PRXL2A: variants seen among roughly 807,000 people sequenced by gnomAD.
PRXL2A encodes peroxiredoxin like 2A, also known as peroxiredoxin-like 2A.
PRXL2A carries 26 observed loss-of-function variants against 25.6 expected under a neutral mutation model. The ratio of observed to expected loss-of-function variants is 1.02; its 90% CI spans 0.74 to 1.41. The LOEUF is 1.41. Among genes scored for constraint, PRXL2A ranks in the 40% most tolerant of loss-of-function variants. PRXL2A has a pLI of 0.00. For synonymous variants in PRXL2A, 98 were observed against 102.9 expected, an observed-to-expected ratio of 0.95 and a Z score of 0.29; for missense variants, 246 against 273.9, an observed-to-expected ratio of 0.90 and a Z score of 0.72.
chr10:80,415,245 G>A (rs1844621336), intron 1 of PRXL2A, among the ~76,000 whole-genome samples: 1 of 152,224 alleles, frequency 6.6e-6, no homozygotes, highest in African/African-American at 2.4e-5. Context: ...GGGGTCCACT[G>A]CCCCAGAGGG....
At chr10:80,425,306 G>C (rs1199793327) in intron 3 of PRXL2A, among the ~76,000 whole-genome samples, 1 of 152,140 alleles carries the variant, frequency 6.6e-6, no homozygotes, top group African/African-American at 2.4e-5. Context: ...CTGGTATTTA[G>C]CACCTGTTTT....
intron 5 of PRXL2A, among the ~76,000 whole-genome samples, chr10:80,431,624 C>A (rs534422982): frequency 6.6e-6 from 1 of 152,196 alleles, no homozygotes; most frequent in Non-Finnish European, 1.5e-5. Context: ...ACCTTTGGGC[C>A]TTTCTGTGTT....
At chr10:80,430,489 T>C (rs1845216001) in intron 5 of PRXL2A, among the ~76,000 whole-genome samples, 1 of 152,070 alleles carries the variant, frequency 6.6e-6, no homozygotes, top group Non-Finnish European at 1.5e-5. Context: ...CTATAAAGAA[T>C]AAAAAAGTTT....
In PRXL2A at chr10:80,432,204, C is replaced by G. The variant is rs141469991; in HGVS notation, c.*105C>G. 159 of 673,108 alleles carry G rather than the reference C, an allele frequency of 2.4e-4. No homozygotes were observed. In the African/African-American group the frequency reaches 2.8e-3, roughly 12 times the overall value. The allele number at this position is 673,108 out of a possible 1,614,324, so 41.7% of individuals were successfully genotyped here. A position where few individuals can be genotyped will look rare whatever the true frequency, so the allele number is the denominator to read the frequency against. On this transcript the variant is annotated 3_prime_UTR_variant, in exon 6 of 6. Coordinates refer to ENST00000606162, the MANE Select transcript of PRXL2A (RefSeq NM_032333.5). Reference sequence around the variant, plus strand: ...CTAAGGAGTGAGAAACCCATTTATACTCTACTCTCAGTATGGATTATTAAT... The same window carrying G: ...CTAAGGAGTGAGAAACCCATTTATAGTCTACTCTCAGTATGGATTATTAAT...
In PRXL2A at chr10:80,436,344, T is replaced by TG. The variant is rs1022905419; in HGVS notation, c.*4248dup. ...CTTGCACAGGCTGGTCTCGAACTCC[T>TG]GGGCTCAAGCAGTCATCCTGCCTCA... On this transcript the variant is annotated 3_prime_UTR_variant, in exon 6 of 6. Coordinates refer to ENST00000606162, the MANE Select transcript of PRXL2A (RefSeq NM_032333.5). The TG allele has an allele frequency of 6.6e-6, 1 of 152,606 alleles. No individual in the cohort carries two copies. Among genetic ancestry groups the TG allele is most frequent in the African/African-American group, 2.4e-5 (1 of 41,444 alleles). The allele number at this position is 152,606 out of a possible 1,614,324, so 9.5% of individuals were successfully genotyped here. A position where few individuals can be genotyped will look rare whatever the true frequency, so the allele number is the denominator to read the frequency against.
At chr10:80,426,264 G>A (rs1845040178) in intron 4 of PRXL2A, among the ~76,000 whole-genome samples, 1 of 152,246 alleles carries the variant, frequency 6.6e-6, no homozygotes, top group Non-Finnish European at 1.5e-5. Flanking sequence ...TGGTGCAGAA[G>A]TGATAAGCAT....
chr10:80,431,838 ACTC>A, intron 5 of PRXL2A, 145 bp from the exon 6 acceptor site: 1 of 650,032 alleles, frequency 1.5e-6, no homozygotes. Flanking sequence ...CAAAGACTGA[ACTC>A]CTTGAGGGCA....
At chr10:80,425,804 C>T (rs1845020681) in intron 3 of PRXL2A, 62 bp from the exon 4 acceptor site, 2 of 1,604,014 alleles carry the variant, frequency 1.2e-6, no homozygotes, top group Non-Finnish European at 1.7e-6. Flanking sequence ...GAACCTGACA[C>T]CCTATGTGGA....
At chr10:80,414,634 C>T (rs924085197) in intron 1 of PRXL2A, among the ~76,000 whole-genome samples, 1 of 152,204 alleles carries the variant, frequency 6.6e-6, no homozygotes, top group South Asian at 2.1e-4. Context: ...GAAAGGTAGT[C>T]TTTCAGGCTT....
At chr10:80,431,880 C>G (rs1845274333) in intron 5 of PRXL2A, 106 bp from the exon 6 acceptor site, 1 of 795,964 alleles carries the variant, frequency 1.3e-6, no homozygotes, top group Non-Finnish European at 2.1e-6. Flanking sequence ...GATCTGTGTC[C>G]TTTGCTATTC....
Position 80,432,419 on chromosome 10 carries a change from T to G in PRXL2A, c.*320T>G, listed in dbSNP as rs1043610995. The G allele has an allele frequency of 4.8e-6, 1 of 208,768 alleles. No individual in the cohort carries two copies. The highest frequency in any genetic ancestry group is 9.4e-6 in the Non-Finnish European group (1 of 106,502). The allele number at this position is 208,768 out of a possible 1,614,324, so 12.9% of individuals were successfully genotyped here. A position where few individuals can be genotyped will look rare whatever the true frequency, so the allele number is the denominator to read the frequency against. ...ACTTTGGGAGGCCAAGGTGAGCAAG[T>G]CACTTGAGGTCGGGAGTTCGAGACC... On this transcript the variant is annotated 3_prime_UTR_variant, in exon 6 of 6. Transcript: ENST00000606162.
chr10:80,425,797 C>T, intron 3 of PRXL2A, 69 bp from the exon 4 acceptor site: 16 of 1,592,614 alleles, frequency 1.0e-5, no homozygotes, highest in African/African-American at 2.7e-5. Context: ...GCAGAGGGAA[C>T]CTGACACCCT....
In PRXL2A at chr10:80,435,351, C is replaced by T. The variant is rs1024991636; in HGVS notation, c.*3252C>T. 2.6e-5 allele frequency: 4 copies of T among 152,192 alleles called. No homozygotes were observed. The highest frequency in any genetic ancestry group is 9.7e-5 in the African/African-American group (4 of 41,434). The allele number at this position is 152,192 out of a possible 1,614,324, so 9.4% of individuals were successfully genotyped here. A position where few individuals can be genotyped will look rare whatever the true frequency, so the allele number is the denominator to read the frequency against. ...ATCCCTGAGACAGGGCCTTGAGCTG[C>T]TAGAAACTATGCTAGTGTTTGTTCA... On this transcript the variant is annotated 3_prime_UTR_variant, in exon 6 of 6. Coordinates refer to ENST00000606162, the MANE Select transcript of PRXL2A (RefSeq NM_032333.5).
rs549599653 is a variant in PRXL2A at position 80,426,153 on chromosome 10, C to T, written c.411+147C>T. ...TGAACTTGCAAGGCCTTTTTCAGCC[C>T]CCTGAGCAGAGCATGATCAGACATT... On this transcript the variant is annotated intron_variant, in intron 4 of 5. Coordinates refer to ENST00000606162, the MANE Select transcript of PRXL2A (RefSeq NM_032333.5). 5.5e-6 allele frequency: 5 copies of T among 907,276 alleles called. No homozygotes were observed. The African/African-American group carries it at 8.3e-5, about 15-fold the overall frequency. The allele number at this position is 907,276 out of a possible 1,614,324, so 56.2% of individuals were successfully genotyped here. A position where few individuals can be genotyped will look rare whatever the true frequency, so the allele number is the denominator to read the frequency against.
At position 80,408,592 on chromosome 10, in the gene PRXL2A, T is replaced by A. The variant is rs1448776906; in HGVS notation, c.-54T>A. ...CTCCGGGCCGGGCGGTTTGGCCCCT[T>A]AGCGCCCGGGCGTCGGGGCGGTAAA... On this transcript the variant is annotated 5_prime_UTR_variant, in exon 1 of 6. Coordinates refer to ENST00000606162, the MANE Select transcript of PRXL2A (RefSeq NM_032333.5). 1 of 152,090 alleles carries A rather than the reference T, an allele frequency of 6.6e-6. No homozygotes were observed. Among genetic ancestry groups the A allele is most frequent in the Non-Finnish European group, 1.5e-5 (1 of 68,068 alleles). The allele number at this position is 152,090 out of a possible 1,614,324, so 9.4% of individuals were successfully genotyped here.
intron 5 of PRXL2A, among the ~76,000 whole-genome samples, chr10:80,428,155 A>G (rs1394128314): frequency 2.0e-5 from 3 of 152,228 alleles, no homozygotes; most frequent in East Asian, 3.9e-4. Context: ...CAAACAGGCT[A>G]TTATTATAGG....
intron 1 of PRXL2A, among the ~76,000 whole-genome samples, chr10:80,409,332 A>AGAGGCAAAGGAAGGG (rs1189566150): frequency 3.5e-4 from 53 of 152,292 alleles, no homozygotes; most frequent in Admixed American, 3.1e-3. Flanking sequence ...GGAGATGGTT[A>AGAGGCAAAGGAAGGG]GAGGCAAAGG....
intron 5 of PRXL2A, among the ~76,000 whole-genome samples, chr10:80,431,364 C>A (rs538634056): frequency 6.6e-6 from 1 of 151,074 alleles, no homozygotes; most frequent in South Asian, 2.1e-4. Flanking sequence ...GATGAGTTTC[C>A]AGATGTAATG....
At position 80,432,728 on chromosome 10, in the gene PRXL2A, G is replaced by T. The variant is rs1252176188; in HGVS notation, c.*629G>T. The T allele has an allele frequency of 2.0e-5, 3 of 151,720 alleles. No individual in the cohort carries two copies. The highest frequency in any genetic ancestry group is 7.3e-5 in the African/African-American group (3 of 41,290). 9.4% of individuals were successfully genotyped at this position (151,720 alleles called of 1,614,324 possible). ...TTGTTTGAAATTATTTTTCTTTTCG[G>T]GTCTTCAAAAATTCAAGAAAAGTTG... is the stretch of plus-strand genomic sequence containing the variant. On this transcript the variant is annotated 3_prime_UTR_variant, in exon 6 of 6. Coordinates refer to ENST00000606162, the MANE Select transcript of PRXL2A (RefSeq NM_032333.5).
Sources: gnomAD v4.1 joint callset for allele counts (sites outside exome capture counted in the v4.1 genomes callset) on GRCh38, gnomAD v4.1.1 for gene constraint, MANE v1.5 for transcripts, NCBI Gene and HGNC (gene_info 2026-07-23, HGNC 2026-07-21) for gene names.